The following ROBO1 variants were observed in gnomAD, a reference collection of about 807,000 sequenced individuals.
ROBO1 encodes roundabout guidance receptor 1.
In ROBO1, 149 loss-of-function variants were observed where a neutral mutation model predicts 195.9. That is an observed-to-expected ratio of 0.76 (90% CI 0.67 to 0.87). ROBO1 has a LOEUF of 0.87. Among genes scored for constraint, ROBO1 ranks in the 40% least tolerant of loss-of-function variants. The pLI is 0.00. For synonymous variants in ROBO1, 816 were observed against 733.2 expected (o/e 1.11, Z -1.82); for missense variants, 1,933 against 2,068.3 (o/e 0.93, Z 1.27).
intron 4 of ROBO1, among the ~76,000 whole-genome samples, chr3:78,916,483 C>T (rs1300182670): frequency 1.4e-5 from 2 of 145,106 alleles, no homozygotes; most frequent in Admixed American, 1.4e-4. Flanking sequence ...ACCTGGGAGG[C>T]GGAGGTTGCA....
chr3:79,270,002 G>GAGC (rs2030374382), intron 2 of ROBO1, among the ~76,000 whole-genome samples: 1 of 151,790 alleles, frequency 6.6e-6, no homozygotes. Context: ...AAAGATGGTT[G>GAGC]TTGAAGAAAC....
At chr3:79,532,368 ACC>A (rs1009609400) in intron 2 of ROBO1, among the ~76,000 whole-genome samples, 1 of 28,458 alleles carries the variant, frequency 3.5e-5, no homozygotes, top group African/African-American at 1.3e-4. Context: ...ACACAAGTTG[ACC>A]CAAAGTTTTA....
chr3:78,731,024 A>T (rs2082274032), intron 5 of ROBO1, among the ~76,000 whole-genome samples: 1 of 152,174 alleles, frequency 6.6e-6, no homozygotes, highest in African/African-American at 2.4e-5. Context: ...TGGACAAATA[A>T]GAAATAAAAA....
chr3:79,328,624 T>TA (rs2034311888), intron 2 of ROBO1, among the ~76,000 whole-genome samples: 1 of 152,138 alleles, frequency 6.6e-6, no homozygotes. Context: ...TCAGATTATA[T>TA]TTTTTAAAAA....
At chr3:79,682,521 A>G (rs1294321411) in intron 1 of ROBO1, among the ~76,000 whole-genome samples, 1 of 152,064 alleles carries the variant, frequency 6.6e-6, no homozygotes, top group Non-Finnish European at 1.5e-5. Context: ...GCATGTATCA[A>G]TAGTCAATCT....
chr3:79,336,057 G>A (rs1356767043), intron 2 of ROBO1, among the ~76,000 whole-genome samples: 1 of 152,160 alleles, frequency 6.6e-6, no homozygotes, highest in Non-Finnish European at 1.5e-5. Context: ...TAGGGTTTCT[G>A]GCAGAAGAAA....
intron 3 of ROBO1, among the ~76,000 whole-genome samples, chr3:78,998,255 G>A (rs950053107): frequency 4.6e-5 from 7 of 151,972 alleles, no homozygotes; most frequent in African/African-American, 1.5e-4. Context: ...TAACACATAC[G>A]TCTAATCTTA....
intron 2 of ROBO1, among the ~76,000 whole-genome samples, chr3:79,199,117 T>C (rs1416479217): frequency 6.6e-6 from 1 of 151,428 alleles, no homozygotes; most frequent in Non-Finnish European, 1.5e-5. Flanking sequence ...GGTTTTTATA[T>C]ACCTATCTTT....
intron 4 of ROBO1, among the ~76,000 whole-genome samples, chr3:78,788,409 C>T (rs560035677): frequency 2.5e-4 from 36 of 141,548 alleles, no homozygotes; most frequent in African/African-American, 8.9e-4. Flanking sequence ...TGAGCCACCG[C>T]TCCCAGCCTC....
chr3:79,570,626 C>T (rs1440088640), intron 2 of ROBO1, among the ~76,000 whole-genome samples: 1 of 151,926 alleles, frequency 6.6e-6, no homozygotes, highest in Non-Finnish European at 1.5e-5. Flanking sequence ...GACAAAAATG[C>T]AAAGAATGTG....
chr3:79,703,124 C>G (rs900146691), intron 1 of ROBO1, among the ~76,000 whole-genome samples: 9 of 151,898 alleles, frequency 5.9e-5, no homozygotes, highest in African/African-American at 2.2e-4. Flanking sequence ...GGTCTAAAAT[C>G]TAAATAGTTG....
intron 2 of ROBO1, among the ~76,000 whole-genome samples, chr3:79,387,904 C>T (rs1473667341): frequency 6.6e-6 from 1 of 151,994 alleles, no homozygotes; most frequent in African/African-American, 2.4e-5. Context: ...ATGTGGACGG[C>T]CTTATGAGCT....
rs564557257 is a variant in ROBO1, at chr3:79,141,106, T to G, written c.89-15567A>C. On this transcript the variant is annotated intron_variant, in intron 2 of 30. Transcript: ENST00000464233. ...AGTGATATTTCAACATCTGTCCAAT[T>G]TCTTTTACTGTCTCCTGTAGAGAGA... 1.1e-4 allele frequency among the ~76,000 whole-genome samples: 16 copies of G among 152,326 alleles called. No individual in the cohort carries two copies. In the South Asian group the frequency reaches 2.9e-3, roughly 28 times the overall value.
intron 1 of ROBO1, among the ~76,000 whole-genome samples, chr3:79,594,438 A>T (rs1193706301): frequency 6.6e-6 from 1 of 152,010 alleles, no homozygotes; most frequent in Non-Finnish European, 1.5e-5. Flanking sequence ...TATATGAGAA[A>T]AGACAAAGAT....
intron 2 of ROBO1, among the ~76,000 whole-genome samples, chr3:79,563,229 A>T (rs1942982921): frequency 6.6e-6 from 1 of 152,204 alleles, no homozygotes; most frequent in East Asian, 1.9e-4. Flanking sequence ...CTTGAAAAGT[A>T]TGATAGATTA....
At chr3:79,516,467 C>T (rs186643674) in intron 2 of ROBO1, among the ~76,000 whole-genome samples, 2 of 152,248 alleles carry the variant, frequency 1.3e-5, no homozygotes, top group Non-Finnish European at 2.9e-5. Flanking sequence ...TTCCTCTCTA[C>T]CCCAATTTTC....
At chr3:78,663,620 C>G (rs1236411196) in intron 14 of ROBO1, among the ~76,000 whole-genome samples, 1 of 152,146 alleles carries the variant, frequency 6.6e-6, no homozygotes, top group Non-Finnish European at 1.5e-5. Flanking sequence ...TTCTTAATCT[C>G]ACTATTCTTC....
intron 2 of ROBO1, among the ~76,000 whole-genome samples, chr3:79,241,998 G>A (rs1382706738): frequency 6.6e-6 from 1 of 151,000 alleles, no homozygotes; most frequent in African/African-American, 2.4e-5. Flanking sequence ...TTGCAGCTAG[G>A]TGTAAAACAG....
intron 1 of ROBO1, among the ~76,000 whole-genome samples, chr3:79,625,422 T>TAAAAAAAAAAAAAAAAAAAA (rs1945136215): frequency 1.0e-3 from 4 of 3,968 alleles, no homozygotes; most frequent in Non-Finnish European, 1.3e-3. Context: ...CTGTTTTTTT[T>TAAAAAAAAAAAAAAAAAAAA]GAAAAAAAAA....
Sources: gnomAD v4.1 joint callset for allele counts (sites outside exome capture counted in the v4.1 genomes callset) on GRCh38, gnomAD v4.1.1 for gene constraint, MANE v1.5 for transcripts, NCBI Gene and HGNC (gene_info 2026-07-23, HGNC 2026-07-21) for gene names.